Variants in CUX2 observed in about 807,000 individuals in gnomAD.
The protein encoded by CUX2 is cut like homeobox 2.
In CUX2, 40 loss-of-function variants were observed where a neutral mutation model predicts 144.8. The ratio of observed to expected loss-of-function variants is 0.28; its 90% CI spans 0.21 to 0.36. The LOEUF is 0.36. Among genes scored for constraint, CUX2 ranks in the 10% least tolerant of loss-of-function variants. The pLI, the probability that CUX2 is intolerant of heterozygous loss-of-function variation, is 1.00. For missense variants in CUX2, 1,615 were observed against 1,994.0 expected (o/e 0.81, Z 3.62); for synonymous variants, 827 against 875.6 (o/e 0.94, Z 0.98).
In CUX2 at chr12:111,255,990, C is replaced by G. The variant is rs532121328; in HGVS notation, c.223-7771C>G. 4.2e-4 allele frequency among the ~76,000 whole-genome samples: 64 copies of G among 152,216 alleles called. No homozygotes were observed. Among genetic ancestry groups the G allele is most frequent in the African/African-American group, 1.5e-3 (62 of 41,502 alleles). On this transcript the variant is annotated intron_variant, in intron 3 of 21. Coordinates refer to ENST00000261726, the MANE Select transcript of CUX2 (RefSeq NM_015267.4). The surrounding 1 kb of genome is among the most constrained non-coding windows in gnomAD (Gnocchi z 4.1). ...AGCCTCACAGATACAGGGGCATGTACTTGGATGCCTCCCCTGGTGGGGAGC... is the reference window on the plus strand; with the variant it reads ...AGCCTCACAGATACAGGGGCATGTAGTTGGATGCCTCCCCTGGTGGGGAGC...
intron 4 of CUX2, among the ~76,000 whole-genome samples, chr12:111,288,672 C>T (rs528223038): frequency 6.6e-6 from 1 of 152,028 alleles, no homozygotes; most frequent in South Asian, 2.1e-4. Context: ...ATTAAAAATA[C>T]AGAAATTTGG....
chr12:111,213,102 TC>T (rs1378521395), intron 1 of CUX2, among the ~76,000 whole-genome samples: 5 of 152,174 alleles, frequency 3.3e-5, no homozygotes. Context: ...TTTTAATAAA[TC>T]TGATTGCAGA....
At chr12:111,297,126 A>T (rs1356878165) in intron 8 of CUX2, among the ~76,000 whole-genome samples, 2 of 101,396 alleles carry the variant, frequency 2.0e-5, no homozygotes, top group East Asian at 2.7e-4. Context: ...ATATGCCTCC[A>T]CCCTCTGGCC....
Position 111,334,510 on chromosome 12 carries a change from A to G in CUX2, c.2996A>G (p.Gln999Arg). ...PSPTEPEKSS[Q>R]EPLSLSLESS... ...CCCACAGAGCCTGAGAAGAGCTCCCAGGAGCCGTTGAGCCTGTCCCTGGAG... is the reference window on the plus strand; with the variant it reads ...CCCACAGAGCCTGAGAAGAGCTCCCGGGAGCCGTTGAGCCTGTCCCTGGAG... Residue 999 changes from glutamine (Q) to arginine (R), a missense_variant, in exon 19 of 22, where the codon CAG (glutamine) becomes CGG (arginine). Coordinates refer to ENST00000261726, the MANE Select transcript of CUX2 (RefSeq NM_015267.4). The G allele has an allele frequency of 6.2e-7, 1 of 1,611,204 alleles. No individual in the cohort carries two copies. Among genetic ancestry groups the G allele is most frequent in the East Asian group, 2.2e-5 (1 of 44,760 alleles).
chr12:111,340,288 T>C (rs1888523780), intron 20 of CUX2, among the ~76,000 whole-genome samples: 1 of 152,188 alleles, frequency 6.6e-6, no homozygotes, highest in Non-Finnish European at 1.5e-5. Flanking sequence ...TGGGCTTTTT[T>C]CTCCCCAACA....
At chr12:111,221,772 T>C (rs997844109) in intron 3 of CUX2, among the ~76,000 whole-genome samples, 5 of 152,122 alleles carry the variant, frequency 3.3e-5, no homozygotes, top group Admixed American at 1.3e-4. Flanking sequence ...TGTGTGGGTC[T>C]CTTTTCTTTC....
At chr12:111,148,535 G>A (rs1027881586) in intron 1 of CUX2, among the ~76,000 whole-genome samples, 1 of 152,036 alleles carries the variant, frequency 6.6e-6, no homozygotes, top group African/African-American at 2.4e-5. Context: ...TTTATGTTAT[G>A]TATATTTTAC....
chr12:111,303,780 T>C (rs1197653245), intron 9 of CUX2, among the ~76,000 whole-genome samples: 3 of 151,800 alleles, frequency 2.0e-5, no homozygotes, highest in African/African-American at 2.4e-5. Context: ...GGCATGAGAG[T>C]TGGAACAGCT....
intron 1 of CUX2, among the ~76,000 whole-genome samples, chr12:111,067,544 GTTGT>G (rs1289846395): frequency 6.6e-6 from 1 of 152,126 alleles, no homozygotes; most frequent in African/African-American, 2.4e-5. Flanking sequence ...TGTGTATTTG[GTTGT>G]TTAAGCTTGT....
At chr12:111,166,847 G>T (rs574752756) in intron 1 of CUX2, among the ~76,000 whole-genome samples, 1 of 152,152 alleles carries the variant, frequency 6.6e-6, no homozygotes. Flanking sequence ...TCTGGGACGC[G>T]TGCCGGCCGC....
intron 3 of CUX2, among the ~76,000 whole-genome samples, chr12:111,250,106 G>A (rs569960426): frequency 2.6e-5 from 4 of 152,096 alleles, no homozygotes; most frequent in African/African-American, 9.7e-5. Context: ...AGGCCAAAGT[G>A]GCTGACAAAG....
Position 111,062,661 on chromosome 12 carries a change from T to C in CUX2, c.63+28421T>C, listed in dbSNP as rs919790707. Among the ~76,000 whole-genome samples the C allele has an allele frequency of 8.9e-4, 136 of 152,184 alleles. 1 individual carries two copies. The highest frequency in any genetic ancestry group is 3.2e-3 in the African/African-American group (131 of 41,440). On this transcript the variant is annotated intron_variant, in intron 1 of 21. Coordinates refer to ENST00000261726, the MANE Select transcript of CUX2 (RefSeq NM_015267.4). Reference sequence around the variant, plus strand: ...ATCAAATCCCTGAAGAGACCCACATTAATCAAATAATCACATATTTGAAGT... The same window carrying C: ...ATCAAATCCCTGAAGAGACCCACATCAATCAAATAATCACATATTTGAAGT...
At chr12:111,341,296 C>CA (rs973641697) in intron 20 of CUX2, among the ~76,000 whole-genome samples, 31 of 151,564 alleles carry the variant, frequency 2.0e-4, no homozygotes, top group Non-Finnish European at 3.1e-4. Flanking sequence ...CCCATCTCTA[C>CA]AAAAAAAATT....
intron 1 of CUX2, among the ~76,000 whole-genome samples, chr12:111,193,541 TTCTTTC>T (rs1431023303): frequency 6.6e-6 from 1 of 152,188 alleles, no homozygotes; most frequent in Non-Finnish European, 1.5e-5. Flanking sequence ...ATTCTGAAAT[TTCTTTC>T]TATTTTCTCC....
Position 111,034,278 on chromosome 12 carries a change from G to GC in CUX2, c.63+43dup. 7.8e-7 allele frequency: 1 copy of GC among 1,274,782 alleles called. No homozygotes were observed. The highest frequency in any genetic ancestry group is 1.0e-6 in the Non-Finnish European group (1 of 974,818). 79.0% of individuals were successfully genotyped at this position (1,274,782 alleles called of 1,614,324 possible). A position where few individuals can be genotyped will look rare whatever the true frequency, so the allele number is the denominator to read the frequency against. On this transcript the variant is annotated intron_variant, in intron 1 of 21. Coordinates refer to ENST00000261726, the MANE Select transcript of CUX2 (RefSeq NM_015267.4). The surrounding 1 kb of genome is among the most constrained non-coding windows in gnomAD (Gnocchi z 4.2). ...AGCGCCGGCCGCGCGGCCGTGAGGA[G>GC]CCCCCGGGCGCGCCCTGGGCGCATT...
chr12:111,324,483 C>CT (rs528389249), intron 18 of CUX2, among the ~76,000 whole-genome samples: 4 of 151,490 alleles, frequency 2.6e-5, no homozygotes, highest in African/African-American at 4.8e-5. Context: ...CTTTCCTATT[C>CT]TTTTTTTTGT....
rs1179134204 is a variant in CUX2 at position 111,068,388 on chromosome 12, C to A, written c.63+34148C>A. On this transcript the variant is annotated intron_variant, in intron 1 of 21. Coordinates refer to ENST00000261726, the MANE Select transcript of CUX2 (RefSeq NM_015267.4). The surrounding 1 kb of genome is among the most constrained non-coding windows in gnomAD (Gnocchi z 4.9). Reference sequence around the variant, plus strand: ...GAATGACATCTGTATGAAAAGCCAGCCAGCCGGCCGATTTCTGTCCTTTGA... The same window carrying A: ...GAATGACATCTGTATGAAAAGCCAGACAGCCGGCCGATTTCTGTCCTTTGA... Among the ~76,000 whole-genome samples, 1 of 152,212 alleles carries A rather than the reference C, an allele frequency of 6.6e-6. No homozygotes were observed. Among genetic ancestry groups the A allele is most frequent in the Non-Finnish European group, 1.5e-5 (1 of 68,034 alleles).
chr12:111,311,318 C>T (rs1157094054), intron 15 of CUX2, among the ~76,000 whole-genome samples: 1 of 151,908 alleles, frequency 6.6e-6, no homozygotes, highest in Non-Finnish European at 1.5e-5. Context: ...GATGGAATCT[C>T]ACTCTGTCAC....
At position 111,248,020 on chromosome 12, in the gene CUX2, C is replaced by G. The variant is rs1288815374; in HGVS notation, c.223-15741C>G. ...CTCTGGGTTCAAGTGATTCTCCTGCCTCAGCAACCGAAGTACAGGTGCCCG... is the reference window on the plus strand; with the variant it reads ...CTCTGGGTTCAAGTGATTCTCCTGCGTCAGCAACCGAAGTACAGGTGCCCG... On this transcript the variant is annotated intron_variant, in intron 3 of 21. Transcript: ENST00000261726. Among the ~76,000 whole-genome samples the G allele has an allele frequency of 2.0e-5, 3 of 152,236 alleles. No homozygotes were observed. In the East Asian group the frequency reaches 5.8e-4, roughly 29 times the overall value.
Sources: allele counts gnomAD v4.1 joint callset (sites outside exome capture counted in the v4.1 genomes callset), GRCh38; gene constraint gnomAD v4.1.1; non-coding constraint Gnocchi (gnomAD v3.1); transcripts MANE v1.5; gene names NCBI Gene and HGNC (gene_info 2026-07-23, HGNC 2026-07-21).